Variants in KCNH5 observed in about 807,000 individuals in gnomAD.
KCNH5 encodes voltage-gated delayed rectifier potassium channel KCNH5.
Under a neutral mutation model 96.1 loss-of-function variants are expected in KCNH5, and 46 were observed. The ratio of observed to expected loss-of-function variants is 0.48; its 90% CI spans 0.38 to 0.61. The LOEUF is 0.61. KCNH5 is among the 20% of genes least tolerant of loss of function. The pLI, the probability that KCNH5 is intolerant of heterozygous loss-of-function variation, is 0.00. For synonymous variants in KCNH5, 439 were observed against 449.8 expected (o/e 0.98, Z 0.30); for missense variants, 907 against 1,225.8 (o/e 0.74, Z 3.88).
intron 10 of KCNH5, among the ~76,000 whole-genome samples, chr14:62,742,887 C>T (rs974689632): frequency 2.0e-5 from 3 of 152,246 alleles, no homozygotes; most frequent in South Asian, 4.2e-4. Flanking sequence ...GATACTGAAT[C>T]GTAGTGACCT....
At chr14:62,759,012 C>A (rs763962003) in intron 10 of KCNH5, among the ~76,000 whole-genome samples, 2 of 152,122 alleles carry the variant, frequency 1.3e-5, no homozygotes, top group African/African-American at 2.4e-5. Flanking sequence ...TTTTATTGTC[C>A]TGTATTTCAA....
chr14:62,959,254 T>C (rs748986240), intron 6 of KCNH5, among the ~76,000 whole-genome samples: 2 of 152,166 alleles, frequency 1.3e-5, no homozygotes, highest in African/African-American at 4.8e-5. Flanking sequence ...CATCTCTCTT[T>C]TAACAGCAAA....
At chr14:62,880,922 A>G (rs931103361) in intron 7 of KCNH5, among the ~76,000 whole-genome samples, 1 of 152,204 alleles carries the variant, frequency 6.6e-6, no homozygotes, top group Admixed American at 6.5e-5. Flanking sequence ...AAGGTCCCGC[A>G]TAGAGTGCCA....
At chr14:63,013,496 A>G (rs1272977650) in intron 2 of KCNH5, among the ~76,000 whole-genome samples, 1 of 152,118 alleles carries the variant, frequency 6.6e-6, no homozygotes, top group East Asian at 1.9e-4. Context: ...TTATCTCCAT[A>G]TTCACTTATA....
rs371152655 is a variant in KCNH5, at chr14:62,794,953, C to T, written c.1822+7376G>A. On this transcript the variant is annotated intron_variant, in intron 9 of 10. Transcript: ENST00000322893. ...AAGTTTTCTTATTATGGTCAACAAGCAGGTATAAGTTAGTTCCTTTCCTGG... is the reference window on the plus strand; with the variant it reads ...AAGTTTTCTTATTATGGTCAACAAGTAGGTATAAGTTAGTTCCTTTCCTGG... Among the ~76,000 whole-genome samples the T allele has an allele frequency of 1.3e-4, 20 of 152,168 alleles. 1 individual carries two copies. The East Asian group carries it at 1.9e-3, about 15-fold the overall frequency.
At chr14:62,817,258 T>A (rs1887005445) in intron 8 of KCNH5, among the ~76,000 whole-genome samples, 1 of 134,716 alleles carries the variant, frequency 7.4e-6, no homozygotes, top group Non-Finnish European at 1.6e-5. Flanking sequence ...ATCATATATA[T>A]ATAATATATA....
At chr14:62,884,211 C>T (rs1171284237) in intron 7 of KCNH5, among the ~76,000 whole-genome samples, 1 of 152,144 alleles carries the variant, frequency 6.6e-6, no homozygotes, top group Non-Finnish European at 1.5e-5. Flanking sequence ...TATAATACGG[C>T]ACTAACAGCG....
At chr14:63,031,468 C>A (rs556929761) in intron 1 of KCNH5, among the ~76,000 whole-genome samples, 30 of 152,044 alleles carry the variant, frequency 2.0e-4, no homozygotes, top group African/African-American at 6.0e-4. Flanking sequence ...TATAGCAATT[C>A]CAGGAGAAAA....
chr14:62,754,453 G>A (rs182144628), intron 10 of KCNH5, among the ~76,000 whole-genome samples: 4 of 151,764 alleles, frequency 2.6e-5, no homozygotes, highest in Admixed American at 2.0e-4. Flanking sequence ...TAGAGTGGCT[G>A]AAGGGATGAT....
chr14:62,772,636 GAAAA>G lies in KCNH5; in HGVS notation c.2019+7088_2019+7091del, dbSNP rs3045398. Among the ~76,000 whole-genome samples the G allele has an allele frequency of 5.5e-3, 464 of 84,688 alleles. 5 individuals carry two copies. The highest frequency in any genetic ancestry group is 0.02 in the African/African-American group (434 of 21,190). 55.6% of individuals were successfully genotyped at this position (84,688 alleles called of 152,430 possible). A position where few individuals can be genotyped will look rare whatever the true frequency, so the allele number is the denominator to read the frequency against. On this transcript the variant is annotated intron_variant, in intron 10 of 10. Coordinates refer to ENST00000322893, the MANE Select transcript of KCNH5 (RefSeq NM_139318.5). Reference sequence around the variant, plus strand: ...TGGGACACAGAGTGAGACTTTGTCTGAAAAAAAAAAAAAAAAAAAAAAGTAGCAG... The same window carrying G: ...TGGGACACAGAGTGAGACTTTGTCTGAAAAAAAAAAAAAAAAAAGTAGCAG...
intron 6 of KCNH5, among the ~76,000 whole-genome samples, chr14:62,970,040 C>T (rs1296943632): frequency 5.1e-5 from 4 of 78,338 alleles, no homozygotes; most frequent in Non-Finnish European, 8.7e-5. Flanking sequence ...AGTGAGACTC[C>T]GTCTAAAAAA....
At chr14:62,786,672 G>A (rs1694275107) in intron 9 of KCNH5, among the ~76,000 whole-genome samples, 2 of 152,130 alleles carry the variant, frequency 1.3e-5, no homozygotes, top group Admixed American at 1.3e-4. Context: ...GCAACTCAGT[G>A]TCGAACAAGT....
intron 6 of KCNH5, among the ~76,000 whole-genome samples, chr14:62,965,335 T>C (rs1890286524): frequency 6.6e-6 from 1 of 152,078 alleles, no homozygotes; most frequent in African/African-American, 2.4e-5. Flanking sequence ...TGGTAGTGGG[T>C]GAGTTCTCAC....
rs139589540 is a variant in KCNH5, at chr14:62,829,937, G to A, written c.1569+19716C>T. 3.8e-4 allele frequency among the ~76,000 whole-genome samples: 58 copies of A among 152,158 alleles called. 1 individual carries two copies. In the East Asian group the frequency reaches 8.9e-3, roughly 23 times the overall value. On this transcript the variant is annotated intron_variant, in intron 8 of 10. Transcript: ENST00000322893. ...AATGTCAGATTATCTCTTCATGAAC[G>A]GATATTACTGTATACTTTCAGAAAA...
intron 7 of KCNH5, among the ~76,000 whole-genome samples, chr14:62,870,112 T>C (rs900359756): frequency 6.6e-6 from 1 of 150,654 alleles, no homozygotes; most frequent in Admixed American, 6.6e-5. Context: ...TAAATTTCTT[T>C]TCTTTATAAG....
rs763049920 is a variant in KCNH5, at chr14:62,895,313, ATAAT to A, written c.1370-45465_1370-45462del. ...AGATTAAGAACTCTATTAGTCAATA[ATAAT>A]TCATTCAGCATCATGACTTTTTTTT... On this transcript the variant is annotated intron_variant, in intron 7 of 10. Coordinates refer to ENST00000322893, the MANE Select transcript of KCNH5 (RefSeq NM_139318.5). 5.3e-5 allele frequency among the ~76,000 whole-genome samples: 8 copies of A among 152,020 alleles called. No homozygotes were observed. The East Asian group carries it at 7.7e-4, about 15-fold the overall frequency.
intron 7 of KCNH5, among the ~76,000 whole-genome samples, chr14:62,924,065 A>G (rs766820333): frequency 5.3e-5 from 8 of 152,030 alleles, no homozygotes; most frequent in Non-Finnish European, 5.9e-5. Context: ...TTTGCAAACC[A>G]CTAATCTGAT....
intron 10 of KCNH5, chr14:62,712,640 G>T (rs760320578): frequency 1.3e-6 from 1 of 771,784 alleles, no homozygotes; most frequent in South Asian, 1.4e-5. Context: ...AGATGAATGG[G>T]TGAAGTAGGA....
At chr14:62,720,881 C>T (rs1469335513) in intron 10 of KCNH5, among the ~76,000 whole-genome samples, 2 of 152,172 alleles carry the variant, frequency 1.3e-5, no homozygotes, top group Non-Finnish European at 2.9e-5. Context: ...CGTGCATGCA[C>T]ACACACACAC....
Sources: allele counts gnomAD v4.1 joint callset (sites outside exome capture counted in the v4.1 genomes callset), GRCh38; gene constraint gnomAD v4.1.1; transcripts MANE v1.5; gene names NCBI Gene and HGNC (gene_info 2026-07-23, HGNC 2026-07-21).